TRMO: variants seen among roughly 807,000 people sequenced by gnomAD.
TRMO encodes tRNA methyltransferase O.
Under a neutral mutation model 37.2 loss-of-function variants are expected in TRMO, and 30 were observed. The ratio of observed to expected loss-of-function variants is 0.81; its 90% CI spans 0.60 to 1.09. TRMO has a LOEUF of 1.09. TRMO is among the 50% of genes least tolerant of loss of function. The pLI, the probability that TRMO is intolerant of heterozygous loss-of-function variation, is 0.00. For synonymous variants in TRMO, 239 were observed against 199.4 expected, an observed-to-expected ratio of 1.20 and a Z score of -1.67; for missense variants, 552 against 549.5, an observed-to-expected ratio of 1.00 and a Z score of -0.05.
At chr9:97,916,515 CACACAT>C (rs1414966084) in intron 1 of TRMO, among the ~76,000 whole-genome samples, 177 bp from the exon 2 acceptor site, 3 of 152,100 alleles carry the variant, frequency 2.0e-5, no homozygotes, top group Non-Finnish European at 2.9e-5. Context: ...ATTACATACA[CACACAT>C]ACACATACAT....
chr9:97,904,664 T>A lies in TRMO; in HGVS notation c.*69A>T. 1 of 1,586,394 alleles carries A rather than the reference T, an allele frequency of 6.3e-7. No individual in the cohort carries two copies. Among genetic ancestry groups the A allele is most frequent in the Non-Finnish European group, 8.6e-7 (1 of 1,166,664 alleles). On this transcript the variant is annotated 3_prime_UTR_variant, in exon 5 of 5. Coordinates refer to ENST00000375119, the MANE Select transcript of TRMO (RefSeq NM_016481.5). The stretch of plus-strand genomic sequence containing the variant: ...TGTTGCTTCTCGACACAACATTAGC[T>A]TGTTCAGAAAATCCAAAAGCCACAT...
At chr9:97,918,552 TGA>T (rs1347714009) in intron 1 of TRMO, among the ~76,000 whole-genome samples, 1 of 152,238 alleles carries the variant, frequency 6.6e-6, no homozygotes, top group Non-Finnish European at 1.5e-5. Flanking sequence ...TATCAATTTC[TGA>T]GAGATGATAT....
chr9:97,908,107 C>T (rs911584716), intron 4 of TRMO, among the ~76,000 whole-genome samples: 7 of 151,930 alleles, frequency 4.6e-5, no homozygotes, highest in Non-Finnish European at 1.0e-4. Context: ...AAATGAGACC[C>T]CGTCTCTTTA....
At chr9:97,910,941 G>A (rs1434907370) in intron 3 of TRMO, 4 of 519,606 alleles carry the variant, frequency 7.7e-6, no homozygotes, top group Admixed American at 4.5e-5. Flanking sequence ...CTTTCCCCAC[G>A]GTAGGGTAGT....
At chr9:97,913,323 G>T in intron 3 of TRMO, 78 bp downstream of exon 3, 2 of 1,566,044 alleles carry the variant, frequency 1.3e-6, no homozygotes, top group Non-Finnish European at 8.8e-7. Flanking sequence ...TGAATAAACA[G>T]CCAGTGGTGA....
downstream of TRMO, among the ~76,000 whole-genome samples, chr9:97,900,325 C>T (rs1195286810): frequency 1.3e-5 from 2 of 152,228 alleles, no homozygotes; most frequent in African/African-American, 4.8e-5. Context: ...CCTGAGGTCA[C>T]GAGCTAGCCC....
chr9:97,903,682 T>G (rs1825736234), downstream of TRMO, among the ~76,000 whole-genome samples: 1 of 152,260 alleles, frequency 6.6e-6, no homozygotes, highest in Non-Finnish European at 1.5e-5. Context: ...TTTATTTATG[T>G]CTTACTTCTT....
At chr9:97,897,089 T>C in the TRMO span, among the ~76,000 whole-genome samples, 21 of 152,250 alleles carry the variant, frequency 1.4e-4, no homozygotes, top group Admixed American at 1.4e-3. Context: ...TCATTTTACA[T>C]ATATGAATGG....
the TRMO span, among the ~76,000 whole-genome samples, chr9:97,897,005 C>A: frequency 6.6e-6 from 1 of 152,206 alleles, no homozygotes; most frequent in African/African-American, 2.4e-5. Flanking sequence ...CCCAAGGTAA[C>A]CACTGTTAGC....
At chr9:97,920,892 G>C (rs968038743) in intron 1 of TRMO, among the ~76,000 whole-genome samples, 2 of 152,142 alleles carry the variant, frequency 1.3e-5, no homozygotes, top group Admixed American at 1.3e-4. Flanking sequence ...ACTGTTAACA[G>C]ACTTTGTATT....
intron 3 of TRMO, chr9:97,912,237 T>A (rs1826157657): frequency 6.6e-6 from 1 of 152,320 alleles, no homozygotes; most frequent in Non-Finnish European, 1.5e-5. Context: ...TATAGTAATG[T>A]CTACAGTGCT....
chr9:97,913,622 T>C, intron 2 of TRMO, 64 bp from the exon 3 acceptor site: 3 of 1,115,352 alleles, frequency 2.7e-6, no homozygotes, highest in South Asian at 1.4e-5. Context: ...TTTACCACAA[T>C]GATCTGATGG....
chr9:97,910,064 G>A lies in TRMO; in HGVS notation c.962C>T (p.Pro321Leu), dbSNP rs1826039218. Residue 321 changes from proline to leucine, a missense_variant, in exon 4 of 5, where the codon CCC (proline) becomes CTC (leucine). Pro to Leu is a moderately conservative substitution (Grantham distance 98). Transcript: ENST00000375119. The stretch of plus-strand genomic sequence containing the variant: ...CACCCAGGCAGGAACCACGCTGCGG[G>A]GAGCTCCATCAGCCCTTCCAGCAGG... ...HCPAGRADGA[P>L]RSVVPAWVTE... 1 of 1,613,406 alleles carries A rather than the reference G, an allele frequency of 6.2e-7. No individual in the cohort carries two copies. The highest frequency in any genetic ancestry group is 8.5e-7 in the Non-Finnish European group (1 of 1,179,388).
intron 4 of TRMO, among the ~76,000 whole-genome samples, chr9:97,907,772 C>T (rs551770325): frequency 6.6e-6 from 1 of 152,252 alleles, no homozygotes; most frequent in South Asian, 2.1e-4. Flanking sequence ...TTTTCTAGTG[C>T]CTCTTTGACC....
chr9:97,900,396 C>G (rs1385817171), downstream of TRMO, among the ~76,000 whole-genome samples: 2 of 152,264 alleles, frequency 1.3e-5, no homozygotes, highest in African/African-American at 4.8e-5. Context: ...TCGTATTTCC[C>G]ATCTTGCTTC....
the TRMO span, among the ~76,000 whole-genome samples, chr9:97,897,008 C>T: frequency 1.3e-5 from 2 of 152,220 alleles, no homozygotes; most frequent in Non-Finnish European, 2.9e-5. Flanking sequence ...AAGGTAACCA[C>T]TGTTAGCATA....
intron 1 of TRMO, among the ~76,000 whole-genome samples, chr9:97,918,989 G>C (rs1245112813): frequency 6.6e-6 from 1 of 152,152 alleles, no homozygotes; most frequent in Non-Finnish European, 1.5e-5. Context: ...GCACCAAACT[G>C]TAAGTTGTCT....
intron 4 of TRMO, among the ~76,000 whole-genome samples, chr9:97,906,645 T>C (rs1825864604): frequency 6.6e-6 from 1 of 152,048 alleles, no homozygotes; most frequent in African/African-American, 2.4e-5. Context: ...AAGGCATATT[T>C]CAAACATCTG....
chr9:97,904,991 A>T lies in TRMO; in HGVS notation c.1068T>A (p.Asp356Glu), dbSNP rs1825797665. 1.2e-6 allele frequency: 2 copies of T among 1,611,116 alleles called. No homozygotes were observed. Among genetic ancestry groups the T allele is most frequent in the Non-Finnish European group, 1.7e-6 (2 of 1,177,642 alleles). ...EMDLGQLSSQ[D>E]VGQASFKYFQ... ...AATATTTAAATGACGCCTGACCAAC[A>T]TCTGCAATGAAAAAAACACAACTTA... Residue 356 changes from aspartate (D) to glutamate (E), a missense_variant and splice_region_variant, in exon 5 of 5, where the codon GAT (aspartate) becomes GAA (glutamate). Transcript: ENST00000375119.
Sources: allele counts gnomAD v4.1 joint callset (sites outside exome capture counted in the v4.1 genomes callset), GRCh38; gene constraint gnomAD v4.1.1; transcripts MANE v1.5; gene names NCBI Gene and HGNC (gene_info 2026-07-23, HGNC 2026-07-21).